Variants in RAD23B observed in about 807,000 individuals in gnomAD.
RAD23B encodes RAD23 nucleotide excision repair protein B.
A neutral mutation model predicts 49.1 loss-of-function variants in RAD23B; 5 were observed. That is an observed-to-expected ratio of 0.10 (90% CI 0.05 to 0.21). The LOEUF (loss-of-function observed/expected upper bound fraction) is 0.21. Among genes scored for constraint, RAD23B ranks in the 10% least tolerant of loss-of-function variants. The pLI is 1.00. For synonymous variants in RAD23B, 184 were observed against 165.4 expected (o/e 1.11, Z -0.86); for missense variants, 356 against 486.7 (o/e 0.73, Z 2.53).
intron 4 of RAD23B, among the ~76,000 whole-genome samples, chr9:107,308,940 T>C (rs1347305458): frequency 6.6e-6 from 1 of 152,214 alleles, no homozygotes; most frequent in Non-Finnish European, 1.5e-5. Flanking sequence ...CGTTTTGTTA[T>C]TAGGGATTTG....
At chr9:107,297,098 C>G (rs1274917112) in intron 1 of RAD23B, among the ~76,000 whole-genome samples, 2 of 151,710 alleles carry the variant, frequency 1.3e-5, no homozygotes, top group African/African-American at 4.8e-5. Context: ...GTGATCTGCC[C>G]GCCTTGGCCT....
At position 107,331,638 on chromosome 9, in the gene RAD23B, ATTTAT is replaced by A. The variant is rs759746568; in HGVS notation, c.*1988_*1992del. ...TCTGATCGGATAATGGAATACTCTC[ATTTAT>A]TTTATGACATTCTCTGTCTACTCAG... On this transcript the variant is annotated 3_prime_UTR_variant, in exon 10 of 10. Coordinates refer to ENST00000358015, the MANE Select transcript of RAD23B (RefSeq NM_002874.5). 9 of 768,620 alleles carry A rather than the reference ATTTAT, an allele frequency of 1.2e-5. No homozygotes were observed. Among genetic ancestry groups the A allele is most frequent in the East Asian group, 4.9e-5 (2 of 41,180 alleles). The allele number at this position is 768,620 out of a possible 1,614,324, so 47.6% of individuals were successfully genotyped here.
At chr9:107,322,979 T>C (rs1438365312) in intron 7 of RAD23B, among the ~76,000 whole-genome samples, 1 of 152,210 alleles carries the variant, frequency 6.6e-6, no homozygotes, top group African/African-American at 2.4e-5. Flanking sequence ...AAGCTGGTAT[T>C]ATATATGGAA....
chr9:107,294,551 C>A (rs1459319975), intron 1 of RAD23B, among the ~76,000 whole-genome samples: 2 of 152,188 alleles, frequency 1.3e-5, no homozygotes, highest in Non-Finnish European at 2.9e-5. Context: ...TGAGTTCATA[C>A]CTCTTCCTTT....
At chr9:107,301,568 T>C (rs1294249185) in intron 2 of RAD23B, among the ~76,000 whole-genome samples, 4 of 152,186 alleles carry the variant, frequency 2.6e-5, no homozygotes, top group African/African-American at 9.7e-5. Context: ...AGAGAGGGTC[T>C]TGCTCTGTCA....
intron 7 of RAD23B, among the ~76,000 whole-genome samples, chr9:107,322,340 G>T (rs1316766605): frequency 6.6e-6 from 1 of 152,220 alleles, no homozygotes; most frequent in Admixed American, 6.5e-5. Context: ...CAGTTTTGCC[G>T]AAGGGCATAT....
chr9:107,306,929 A>G lies in RAD23B; in HGVS notation c.497+282A>G, dbSNP rs559096064. ...GAAAGTCATTTTTTTTTTTTTGAGT[A>G]GAAACGTTAGGAAATACAAATAACC... On this transcript the variant is annotated intron_variant, in intron 4 of 9. Transcript: ENST00000358015. Among the ~76,000 whole-genome samples the G allele has an allele frequency of 9.9e-5, 15 of 151,930 alleles. 1 individual carries two copies. In the South Asian group the frequency reaches 3.1e-3, roughly 32 times the overall value.
At chr9:107,325,307 C>CTT (rs1257253821) in intron 9 of RAD23B, among the ~76,000 whole-genome samples, 1 of 93,594 alleles carries the variant, frequency 1.1e-5, no homozygotes, top group African/African-American at 5.2e-5. Flanking sequence ...GAGTGAGACT[C>CTT]TGTCTCAAAA....
In RAD23B at chr9:107,300,241, A is replaced by C. The variant is rs751788761; in HGVS notation, c.148+19A>C. 6.3e-7 allele frequency: 1 copy of C among 1,591,956 alleles called. No homozygotes were observed. The highest frequency in any genetic ancestry group is 2.3e-5 in the East Asian group (1 of 44,398). On this transcript the variant is annotated intron_variant, in intron 2 of 9. Coordinates refer to ENST00000358015, the MANE Select transcript of RAD23B (RefSeq NM_002874.5). ...TATGCAGGTATGAATTAAATATTAA[A>C]ATTAACATGCCATGTCTTGATATTC... is the stretch of plus-strand genomic sequence containing the variant.
chr9:107,298,087 C>T (rs1384522782), intron 1 of RAD23B, among the ~76,000 whole-genome samples: 2 of 152,166 alleles, frequency 1.3e-5, no homozygotes, highest in Admixed American at 6.6e-5. Context: ...AATAATCACA[C>T]TTGCAAATAT....
Position 107,283,524 on chromosome 9 carries a change from C to T in RAD23B, c.-106C>T. 1 of 800,382 alleles carries T rather than the reference C, an allele frequency of 1.2e-6. No individual in the cohort carries two copies. The highest frequency in any genetic ancestry group is 1.8e-6 in the Non-Finnish European group (1 of 558,388). The allele number at this position is 800,382 out of a possible 1,614,324, so 49.6% of individuals were successfully genotyped here. ...CCCCCACCCCCACCGCCTTCCTCCC[C>T]AGAGCGCGAGGAGCGCGGGCGACCC... is the stretch of plus-strand genomic sequence containing the variant. On this transcript the variant is annotated 5_prime_UTR_variant, in exon 1 of 10. Transcript: ENST00000358015.
chr9:107,287,678 T>C (rs777927411), intron 1 of RAD23B, among the ~76,000 whole-genome samples: 3 of 151,752 alleles, frequency 2.0e-5, no homozygotes, highest in Non-Finnish European at 4.4e-5. Flanking sequence ...CTACTAAAAA[T>C]AGAAAATTAG....
chr9:107,300,787 T>TA (rs1296168432), intron 2 of RAD23B, among the ~76,000 whole-genome samples: 1 of 152,248 alleles, frequency 6.6e-6, no homozygotes, highest in Non-Finnish European at 1.5e-5. Flanking sequence ...ATACATTTGA[T>TA]ATCCAAATTT....
At chr9:107,312,521 ATGCCCTTG>A (rs753874286) in intron 5 of RAD23B, among the ~76,000 whole-genome samples, 2 of 152,126 alleles carry the variant, frequency 1.3e-5, no homozygotes, top group Non-Finnish European at 2.9e-5. Context: ...GAACTCCGTG[ATGCCCTTG>A]TTGCTGTGGA....
Position 107,284,735 on chromosome 9 carries a change from A to G in RAD23B, c.66+1040A>G, listed in dbSNP as rs748228273. ...AACCAGCAGCTTTCTGCCCAACTCT[A>G]TTTTTAAAAGTAGTTGATTCTATTT... On this transcript the variant is annotated intron_variant, in intron 1 of 9. Coordinates refer to ENST00000358015, the MANE Select transcript of RAD23B (RefSeq NM_002874.5). 26 of 1,123,060 alleles carry G rather than the reference A, an allele frequency of 2.3e-5. No homozygotes were observed. In the African/African-American group the frequency reaches 2.6e-4, roughly 11 times the overall value. The allele number at this position is 1,123,060 out of a possible 1,614,324, so 69.6% of individuals were successfully genotyped here.
intron 3 of RAD23B, among the ~76,000 whole-genome samples, chr9:107,303,057 A>AT (rs1826690594): frequency 1.3e-5 from 2 of 152,252 alleles, no homozygotes; most frequent in African/African-American, 4.8e-5. Context: ...ATGAACATGG[A>AT]TTTTTTTAAG....
chr9:107,324,408 T>A (rs1039253967), intron 8 of RAD23B, among the ~76,000 whole-genome samples: 9 of 151,138 alleles, frequency 6.0e-5, no homozygotes, highest in African/African-American at 1.9e-4. Context: ...CAACTTACTC[T>A]TAGAAAAAAT....
chr9:107,301,557 G>T (rs1014499880), intron 2 of RAD23B, among the ~76,000 whole-genome samples: 19 of 152,092 alleles, frequency 1.2e-4, no homozygotes, highest in African/African-American at 4.6e-4. Context: ...TTATTTGTTT[G>T]AGAGAGGGTC....
intron 4 of RAD23B, 147 bp downstream of exon 4, chr9:107,306,794 T>C: frequency 2.3e-6 from 2 of 879,038 alleles, no homozygotes; most frequent in South Asian, 3.6e-5. Flanking sequence ...ATATGCTGCG[T>C]CTGTTTTGAT....
Sources: allele counts gnomAD v4.1 joint callset (sites outside exome capture counted in the v4.1 genomes callset), GRCh38; gene constraint gnomAD v4.1.1; transcripts MANE v1.5; gene names NCBI Gene and HGNC (gene_info 2026-07-23, HGNC 2026-07-21).